Variants in ZFAND3 observed in about 807,000 individuals in gnomAD.
ZFAND3 encodes zinc finger AN1-type containing 3, also known as AN1-type zinc finger protein 3.
A neutral mutation model predicts 29.6 loss-of-function variants in ZFAND3; 10 were observed. The observed-to-expected ratio is 0.34, with a 90% CI of 0.21 to 0.57. The LOEUF (loss-of-function observed/expected upper bound fraction) is 0.57, where lower values mean the gene tolerates loss of function less well. Among genes scored for constraint, ZFAND3 ranks in the 20% least tolerant of loss-of-function variants. ZFAND3 has a pLI of 0.86. For missense variants in ZFAND3, 230 were observed against 304.5 expected (o/e 0.76, Z 1.82); for synonymous variants, 128 against 112.6 (o/e 1.14, Z -0.87).
chr6:38,050,063 T>C (rs922444754), intron 2 of ZFAND3, among the ~76,000 whole-genome samples: 1 of 147,608 alleles, frequency 6.8e-6, no homozygotes, highest in Non-Finnish European at 1.5e-5. Flanking sequence ...CAAGCAATTA[T>C]CATGCGTCAG....
intron 1 of ZFAND3, among the ~76,000 whole-genome samples, chr6:37,834,548 T>A (rs1483198796): frequency 6.6e-6 from 1 of 151,954 alleles, no homozygotes; most frequent in East Asian, 1.9e-4. Flanking sequence ...ATGATAAGAG[T>A]ATGTTTAGTT....
chr6:38,063,775 G>A (rs1764288616), intron 3 of ZFAND3, among the ~76,000 whole-genome samples: 2 of 152,226 alleles, frequency 1.3e-5, no homozygotes, highest in African/African-American at 4.8e-5. Context: ...ATTTGGACTT[G>A]AGACAGTAGC....
chr6:37,831,376 C>T (rs981321963), intron 1 of ZFAND3, among the ~76,000 whole-genome samples: 83 of 152,348 alleles, frequency 5.4e-4, no homozygotes, highest in African/African-American at 1.8e-3. Flanking sequence ...CAGCTTTTGG[C>T]CCCTTTGGCC....
intron 1 of ZFAND3, among the ~76,000 whole-genome samples, chr6:37,839,263 C>G (rs1328380607): frequency 1.3e-5 from 2 of 151,772 alleles, no homozygotes; most frequent in East Asian, 3.9e-4. Flanking sequence ...TCACTGCAAC[C>G]TCCGCCTCCC....
chr6:37,916,087 TAAAA>T (rs34769590), intron 1 of ZFAND3, among the ~76,000 whole-genome samples: 2 of 142,462 alleles, frequency 1.4e-5, no homozygotes, highest in South Asian at 2.3e-4. Flanking sequence ...TTTTTTAACT[TAAAA>T]AAAAAAAAAA....
chr6:38,019,981 A>G (rs1389827342), intron 2 of ZFAND3, among the ~76,000 whole-genome samples: 1 of 152,204 alleles, frequency 6.6e-6, no homozygotes, highest in Admixed American at 6.5e-5. Flanking sequence ...TCGTCTTCCA[A>G]AGTGCTGGGA....
intron 5 of ZFAND3, among the ~76,000 whole-genome samples, chr6:38,137,294 T>C (rs1274856489): frequency 1.3e-5 from 2 of 152,242 alleles, no homozygotes; most frequent in Non-Finnish European, 2.9e-5. Context: ...CAGTAGTTTT[T>C]CAGTTGTGCC....
At chr6:37,896,613 TTTC>T (rs1181809879) in intron 1 of ZFAND3, among the ~76,000 whole-genome samples, 3 of 147,978 alleles carry the variant, frequency 2.0e-5, no homozygotes, top group Non-Finnish European at 4.5e-5. Context: ...TCTCTCTTTC[TTTC>T]TTTTCTTTCT....
intron 3 of ZFAND3, among the ~76,000 whole-genome samples, chr6:38,076,306 TTTATA>T (rs1254060750): frequency 5.9e-5 from 9 of 152,162 alleles, no homozygotes; most frequent in Non-Finnish European, 1.3e-4. Context: ...AAATATAACT[TTTATA>T]TTCATTGAGA....
intron 3 of ZFAND3, among the ~76,000 whole-genome samples, chr6:38,074,071 T>C (rs1204991327): frequency 6.6e-6 from 1 of 152,178 alleles, no homozygotes; most frequent in East Asian, 1.9e-4. Flanking sequence ...GGATCTTATA[T>C]TAACCTTTAG....
At chr6:38,025,738 C>G (rs756170467) in intron 2 of ZFAND3, among the ~76,000 whole-genome samples, 1 of 152,126 alleles carries the variant, frequency 6.6e-6, no homozygotes, top group Non-Finnish European at 1.5e-5. Context: ...ATTTTGAAAA[C>G]TTTCATGCTG....
At chr6:38,123,293 A>T (rs1410012552) in intron 5 of ZFAND3, among the ~76,000 whole-genome samples, 1 of 152,150 alleles carries the variant, frequency 6.6e-6, no homozygotes, top group Non-Finnish European at 1.5e-5. Flanking sequence ...AGTGATTAGG[A>T]CACATGTTGG....
intron 4 of ZFAND3, among the ~76,000 whole-genome samples, chr6:38,092,718 G>T (rs1330155009): frequency 6.6e-6 from 1 of 152,154 alleles, no homozygotes; most frequent in African/African-American, 2.4e-5. Flanking sequence ...ATACAGCTCT[G>T]TTCAACTTCG....
At chr6:38,084,385 A>G (rs572176043) in intron 4 of ZFAND3, among the ~76,000 whole-genome samples, 11 of 152,310 alleles carry the variant, frequency 7.2e-5, no homozygotes, top group African/African-American at 2.6e-4. Flanking sequence ...GTAAAATGGG[A>G]TGATAAATCT....
intron 2 of ZFAND3, among the ~76,000 whole-genome samples, chr6:37,974,145 G>C (rs1271897700): frequency 1.3e-5 from 2 of 152,036 alleles, no homozygotes; most frequent in African/African-American, 4.8e-5. Context: ...TGCAACCTCT[G>C]CCTCTCCCCT....
chr6:37,887,301 T>C (rs1454065436), intron 1 of ZFAND3, among the ~76,000 whole-genome samples: 1 of 152,252 alleles, frequency 6.6e-6, no homozygotes, highest in East Asian at 1.9e-4. Context: ...TTTATTGTTC[T>C]TGGCATATGT....
At chr6:38,121,344 TGCAG>T (rs1351399850) in intron 5 of ZFAND3, among the ~76,000 whole-genome samples, 3 of 152,214 alleles carry the variant, frequency 2.0e-5, no homozygotes, top group African/African-American at 7.2e-5. Context: ...ACCACTGCAC[TGCAG>T]CATGGGCAAC....
At chr6:37,865,104 G>A (rs1370680204) in intron 1 of ZFAND3, among the ~76,000 whole-genome samples, 1 of 152,126 alleles carries the variant, frequency 6.6e-6, no homozygotes, top group Non-Finnish European at 1.5e-5. Context: ...CTTGAACCTG[G>A]GAGGTGGAGG....
chr6:38,123,166 T>C (rs1379990881), intron 5 of ZFAND3, among the ~76,000 whole-genome samples: 2 of 152,232 alleles, frequency 1.3e-5, no homozygotes, highest in African/African-American at 4.8e-5. Flanking sequence ...AGAGAGAATG[T>C]GAACTGATTG....
Sources: allele counts gnomAD v4.1 joint callset (sites outside exome capture counted in the v4.1 genomes callset), GRCh38; gene constraint gnomAD v4.1.1; transcripts MANE v1.5; gene names NCBI Gene and HGNC (gene_info 2026-07-23, HGNC 2026-07-21).